Variants in DYSF observed in about 807,000 individuals in gnomAD.
DYSF encodes the protein dysferlin, also known as dystrophy-associated fer-1-like 1.
In DYSF, 212 loss-of-function variants were observed where a neutral mutation model predicts 274.9. That is an observed-to-expected ratio of 0.77 (90% CI 0.69 to 0.86). The LOEUF is 0.86. Ranked by LOEUF, DYSF falls within the 40% of genes least tolerant of loss-of-function variation. DYSF has a pLI of 0.00. For synonymous variants in DYSF, 1,091 were observed against 1,078.7 expected (o/e 1.01, Z -0.22); for missense variants, 2,666 against 2,783.2 (o/e 0.96, Z 0.95).
In DYSF at chr2:71,517,178, G is replaced by T. The variant is rs2086747420; in HGVS notation, c.1002+139G>T. Reference sequence around the variant, plus strand: ...ATATAATTTCAAAGAACAACGCCAAGCCCTCTGCACAGCATCTCCTTTCAC... The same window carrying T: ...ATATAATTTCAAAGAACAACGCCAATCCCTCTGCACAGCATCTCCTTTCAC... On this transcript the variant is annotated intron_variant, in intron 10 of 55. Coordinates refer to ENST00000410020, the MANE Select transcript of DYSF (RefSeq NM_001130987.2). 9.4e-6 allele frequency: 8 copies of T among 848,296 alleles called. No homozygotes were observed. The East Asian group carries it at 2.1e-4, about 22-fold the overall frequency. 52.5% of individuals were successfully genotyped at this position (848,296 alleles called of 1,614,324 possible). A position where few individuals can be genotyped will look rare whatever the true frequency, so the allele number is the denominator to read the frequency against.
chr2:71,652,790 G>A (rs1370897679), intron 42 of DYSF, among the ~76,000 whole-genome samples: 1 of 152,106 alleles, frequency 6.6e-6, no homozygotes, highest in Non-Finnish European at 1.5e-5. Flanking sequence ...GTGAAAAAAC[G>A]CACAGATCAA....
At position 71,665,255 on chromosome 2, in the gene DYSF, G is replaced by A; in HGVS notation, c.5268G>A (p.Arg1756=). ...QQHRVKAPVY[R]TDRVMFQDKE... ...ATAGAGTCAAGGCACCTGTGTACCGGACAGACCGTGTAATGTTTCAGGATA... is the reference window on the plus strand; with the variant it reads ...ATAGAGTCAAGGCACCTGTGTACCGAACAGACCGTGTAATGTTTCAGGATA... Residue 1756 remains arginine (R), a synonymous_variant, in exon 47 of 56, where the codon CGG becomes CGA. Coordinates refer to ENST00000410020, the MANE Select transcript of DYSF (RefSeq NM_001130987.2). 2 of 1,614,164 alleles carry A rather than the reference G, an allele frequency of 1.2e-6. No individual in the cohort carries two copies. The highest frequency in any genetic ancestry group is 2.2e-5 in the East Asian group (1 of 44,884).
chr2:71,672,950 C>T (rs73942370), intron 51 of DYSF, among the ~76,000 whole-genome samples: 1,563 of 152,298 alleles, frequency 0.01, 28 homozygotes, highest in African/African-American at 0.034. Context: ...CTAGTCCTCA[C>T]GGGGCAGGGG....
At chr2:71,684,095 A>G (rs886693607) in intron 55 of DYSF, among the ~76,000 whole-genome samples, 7 of 152,166 alleles carry the variant, frequency 4.6e-5, no homozygotes, top group Non-Finnish European at 1.0e-4. Flanking sequence ...GGCGCAATGG[A>G]GAAATGTTTC....
chr2:71,604,798 G>T (rs1335758371), intron 36 of DYSF, among the ~76,000 whole-genome samples: 2 of 152,198 alleles, frequency 1.3e-5, no homozygotes, highest in East Asian at 3.8e-4. Context: ...CTTGTCGAAG[G>T]CTCCCAGAGC....
intron 53 of DYSF, among the ~76,000 whole-genome samples, chr2:71,680,044 C>T (rs1483340130): frequency 6.6e-6 from 1 of 152,182 alleles, no homozygotes; most frequent in Admixed American, 6.5e-5. Context: ...CCCATCTATA[C>T]ATATCTATGA....
At chr2:71,590,733 C>T (rs1351518003) in intron 32 of DYSF, among the ~76,000 whole-genome samples, 1 of 152,198 alleles carries the variant, frequency 6.6e-6, no homozygotes, top group African/African-American at 2.4e-5. Flanking sequence ...TCCCCAGCTC[C>T]CCCCACCCAG....
chr2:71,608,311 G>T (rs1382857585), intron 36 of DYSF, among the ~76,000 whole-genome samples: 2 of 152,018 alleles, frequency 1.3e-5, no homozygotes, highest in African/African-American at 4.8e-5. Context: ...GGAAGGAGCA[G>T]ATCCAGGAGA....
intron 53 of DYSF, among the ~76,000 whole-genome samples, chr2:71,680,408 T>C (rs1489096226): frequency 6.6e-6 from 1 of 152,186 alleles, no homozygotes; most frequent in Admixed American, 6.5e-5. Flanking sequence ...TGATAACATA[T>C]AGTAACAGAT....
At position 71,569,683 on chromosome 2, in the gene DYSF, T is replaced by C. The variant is rs551864357; in HGVS notation, c.2865-137T>C. 79 of 747,404 alleles carry C rather than the reference T, an allele frequency of 1.1e-4. 1 individual carries two copies. The African/African-American group carries it at 1.2e-3, about 11-fold the overall frequency. The allele number at this position is 747,404 out of a possible 1,614,324, so 46.3% of individuals were successfully genotyped here. On this transcript the variant is annotated intron_variant, in intron 26 of 55. Transcript: ENST00000410020. ...TGTCTGCCTTGGTCTCTTGCACCCT[T>C]CCCTCCCCACCCCCCATGTCTCTCA...
intron 40 of DYSF, among the ~76,000 whole-genome samples, chr2:71,617,816 G>T (rs1369845351): frequency 1.7e-4 from 24 of 143,030 alleles, no homozygotes; most frequent in East Asian, 6.7e-4. Flanking sequence ...ATGTGTGTGT[G>T]TGGTAGAGGT....
chr2:71,590,863 C>G (rs763840276), intron 32 of DYSF, among the ~76,000 whole-genome samples: 3 of 152,194 alleles, frequency 2.0e-5, no homozygotes, highest in African/African-American at 4.8e-5. Context: ...CCTCTCAGAT[C>G]TGTTCCCTCC....
intron 27 of DYSF, 117 bp from the exon 28 acceptor site, chr2:71,570,112 C>T: frequency 9.1e-7 from 1 of 1,102,910 alleles, no homozygotes; most frequent in African/African-American, 1.5e-5. Context: ...GACTCTGGGG[C>T]TCTGCCCTTC....
intron 36 of DYSF, among the ~76,000 whole-genome samples, chr2:71,608,291 CT>C (rs1465010835): frequency 6.6e-6 from 1 of 151,738 alleles, no homozygotes; most frequent in Non-Finnish European, 1.5e-5. Context: ...ATGGGGATGT[CT>C]TTAAATTGGG....
At position 71,634,456 on chromosome 2, in the gene DYSF, A is replaced by G. The variant is rs188710317; in HGVS notation, c.4528-9509A>G. 2.0e-3 allele frequency among the ~76,000 whole-genome samples: 302 copies of G among 152,244 alleles called. 1 individual carries two copies. The highest frequency in any genetic ancestry group is 7.1e-3 in the African/African-American group (293 of 41,540). ...CCTGTTTTTTGTGGGGCTCTTTCTT[A>G]TGGCTGTGCTAACTTATTCCTGGAC... On this transcript the variant is annotated intron_variant, in intron 41 of 55. Coordinates refer to ENST00000410020, the MANE Select transcript of DYSF (RefSeq NM_001130987.2).
chr2:71,512,196 GC>G (rs1302857080), intron 5 of DYSF, among the ~76,000 whole-genome samples: 1 of 152,212 alleles, frequency 6.6e-6, no homozygotes, highest in Non-Finnish European at 1.5e-5. Flanking sequence ...TGGGGACGGG[GC>G]TGAGCCCAGG....
rs1443122567 is a variant in DYSF, at chr2:71,615,435, G to T, written c.4464+2025G>T. 2.6e-5 allele frequency among the ~76,000 whole-genome samples: 4 copies of T among 152,116 alleles called. No homozygotes were observed. Among genetic ancestry groups the T allele is most frequent in the Admixed American group, 2.6e-4 (4 of 15,282 alleles). On this transcript the variant is annotated intron_variant, in intron 40 of 55. Transcript: ENST00000410020. This position sits in a 1 kb window ranked among gnomAD's most constrained non-coding sequence, Gnocchi z 4.9. Reference sequence around the variant, plus strand: ...GAGGCTTGGACCTTGCCCTCATGGAGCTCCCTGTCTGATGAAAGAGACAAA... The same window carrying T: ...GAGGCTTGGACCTTGCCCTCATGGATCTCCCTGTCTGATGAAAGAGACAAA...
chr2:71,457,727 A>G (rs1220300596), intron 1 of DYSF, among the ~76,000 whole-genome samples: 1 of 152,088 alleles, frequency 6.6e-6, no homozygotes, highest in Admixed American at 6.5e-5. Flanking sequence ...TTGATGCAGG[A>G]CGCTCCCTCC....
At chr2:71,525,134 T>G (rs1196472428) in intron 12 of DYSF, among the ~76,000 whole-genome samples, 1 of 152,214 alleles carries the variant, frequency 6.6e-6, no homozygotes, top group African/African-American at 2.4e-5. Context: ...AAGCCACTGC[T>G]GCATGGGTAC....
Sources: allele counts gnomAD v4.1 joint callset (sites outside exome capture counted in the v4.1 genomes callset), GRCh38; gene constraint gnomAD v4.1.1; non-coding constraint Gnocchi (gnomAD v3.1); transcripts MANE v1.5; gene names NCBI Gene and HGNC (gene_info 2026-07-23, HGNC 2026-07-21).